The following DOCK2 variants were observed in gnomAD, a reference collection of about 807,000 sequenced individuals.
DOCK2 encodes dedicator of cytokinesis protein 2.
In DOCK2, 87 loss-of-function variants were observed where a neutral mutation model predicts 248.9. That is an observed-to-expected ratio of 0.35 (90% CI 0.29 to 0.42). DOCK2 has a LOEUF of 0.42. Among genes scored for constraint, DOCK2 ranks in the 10% least tolerant of loss-of-function variants. The probability of loss-of-function intolerance (pLI) is 1.00; values close to 1 mark genes in which losing one functional copy is unlikely to be tolerated. For missense variants in DOCK2, 1,747 were observed against 2,300.2 expected, an observed-to-expected ratio of 0.76 and a Z score of 4.92; for synonymous variants, 805 against 821.6, an observed-to-expected ratio of 0.98 and a Z score of 0.35.
At chr5:169,741,275 C>G (rs186813325) in intron 22 of DOCK2, among the ~76,000 whole-genome samples, 1 of 152,100 alleles carries the variant, frequency 6.6e-6, no homozygotes, top group African/African-American at 2.4e-5. Flanking sequence ...GGAAGGGAAC[C>G]GTCTCTTTCA....
At chr5:169,991,263 C>T (rs1009807619) in intron 29 of DOCK2, among the ~76,000 whole-genome samples, 1 of 152,226 alleles carries the variant, frequency 6.6e-6, no homozygotes. Flanking sequence ...ATTTGTTCTG[C>T]CACATGAAGA....
At chr5:170,071,857 C>T (rs1029014863) in intron 46 of DOCK2, among the ~76,000 whole-genome samples, 1 of 152,196 alleles carries the variant, frequency 6.6e-6, no homozygotes, top group Non-Finnish European at 1.5e-5. Context: ...AACAGAATCA[C>T]ATAATATACA....
intron 25 of DOCK2, among the ~76,000 whole-genome samples, chr5:169,765,963 A>G (rs1764761906): frequency 6.6e-6 from 1 of 152,206 alleles, no homozygotes; most frequent in Non-Finnish European, 1.5e-5. Context: ...GTTGGGGAAA[A>G]GAGGGATGGA....
intron 22 of DOCK2, among the ~76,000 whole-genome samples, chr5:169,742,674 G>C (rs1157093027): frequency 2.0e-5 from 3 of 152,198 alleles, no homozygotes; most frequent in Non-Finnish European, 2.9e-5. Context: ...TGGGATGCTA[G>C]CCTGAGGTTG....
At chr5:169,999,714 C>A (rs2113801415) in intron 30 of DOCK2, among the ~76,000 whole-genome samples, 1 of 152,326 alleles carries the variant, frequency 6.6e-6, no homozygotes, top group Non-Finnish European at 1.5e-5. Flanking sequence ...ACCTCTTCCT[C>A]CCCCTGTGTA....
chr5:169,803,206 G>A lies in DOCK2; in HGVS notation c.2703G>A (p.Ala901=), dbSNP rs775016006. The A allele has an allele frequency of 2.5e-6, 4 of 1,612,516 alleles. No homozygotes were observed. The highest frequency in any genetic ancestry group is 3.4e-6 in the Non-Finnish European group (4 of 1,179,352). ...SILEVLSYQD[A]AFTYHHIQEI... ...TGGAAGTCCTTAGCTACCAGGATGC[G>A]GTGAGTCCTCCTGATGATGTAGATA... is the stretch of plus-strand genomic sequence containing the variant. The change falls in exon 26 of 52, where the codon GCG becomes GCA. Residue 901 remains alanine, a splice_region_variant and synonymous_variant. Transcript: ENST00000520908.
At chr5:169,702,697 G>T (rs4524524) in intron 14 of DOCK2, 195 of 205,676 alleles carry the variant, frequency 9.5e-4, no homozygotes, top group South Asian at 1.9e-3. Flanking sequence ...ATGTATGTAT[G>T]TATTTATTTA....
intron 33 of DOCK2, among the ~76,000 whole-genome samples, chr5:170,026,861 A>T (rs763848116): frequency 1.3e-5 from 2 of 151,868 alleles, no homozygotes; most frequent in Non-Finnish European, 2.9e-5. Flanking sequence ...ACCAGTCTTG[A>T]CTCTCTGAGA....
At position 169,729,236 on chromosome 5, in the gene DOCK2, G is replaced by A. The variant is rs1244630748; in HGVS notation, c.2267+10445G>A. 2.0e-5 allele frequency among the ~76,000 whole-genome samples: 3 copies of A among 152,348 alleles called. No homozygotes were observed. The East Asian group carries it at 5.8e-4, about 29-fold the overall frequency. ...TGAAATTTGCCATGCTAACGCAATT[G>A]TCAGGGATGCTAAGTGCAATTGGTA... On this transcript the variant is annotated intron_variant, in intron 22 of 51. Coordinates refer to ENST00000520908, the MANE Select transcript of DOCK2 (RefSeq NM_004946.3).
intron 47 of DOCK2, among the ~76,000 whole-genome samples, chr5:170,076,920 T>A (rs1435181019): frequency 6.6e-6 from 1 of 152,158 alleles, no homozygotes; most frequent in Non-Finnish European, 1.5e-5. Flanking sequence ...TCTTAGACAC[T>A]TCCCACTTCA....
chr5:169,959,336 T>G (rs1033875389), intron 27 of DOCK2, among the ~76,000 whole-genome samples: 1 of 150,386 alleles, frequency 6.6e-6, no homozygotes, highest in Non-Finnish European at 1.5e-5. Context: ...ACCACTGCAC[T>G]CCAGCCTGGG....
intron 23 of DOCK2, among the ~76,000 whole-genome samples, chr5:169,748,482 G>A (rs1270928715): frequency 6.6e-6 from 1 of 152,188 alleles, no homozygotes; most frequent in Non-Finnish European, 1.5e-5. Context: ...TGATTTTACT[G>A]TGAAGCAAAG....
intron 2 of DOCK2, among the ~76,000 whole-genome samples, chr5:169,663,536 C>A (rs112624140): frequency 6.6e-6 from 1 of 152,236 alleles, no homozygotes; most frequent in Non-Finnish European, 1.5e-5. Context: ...GACATCCAGG[C>A]ATTTCCATAC....
intron 27 of DOCK2, among the ~76,000 whole-genome samples, chr5:169,892,217 A>G (rs1419459367): frequency 1.3e-5 from 2 of 152,094 alleles, no homozygotes; most frequent in East Asian, 1.9e-4. Context: ...TGGGACTCAA[A>G]GCAAACCTAA....
chr5:169,688,836 C>G (rs1760131495), intron 8 of DOCK2, among the ~76,000 whole-genome samples: 1 of 152,128 alleles, frequency 6.6e-6, no homozygotes, highest in Non-Finnish European at 1.5e-5. Context: ...TAATTCAGAT[C>G]TTTACTCAGT....
rs1009279712 is a variant in DOCK2, at chr5:169,671,306, G to A, written c.321+132G>A. 70 of 687,878 alleles carry A rather than the reference G, an allele frequency of 1.0e-4. No homozygotes were observed. The highest frequency in any genetic ancestry group is 4.7e-5 in the Non-Finnish European group (19 of 405,420). 42.6% of individuals were successfully genotyped at this position (687,878 alleles called of 1,614,324 possible). ...GACATAGCAGAGCGCACACTATTACGTGTGAGGACATCAAGGCCCAGAGAG... is the reference window on the plus strand; with the variant it reads ...GACATAGCAGAGCGCACACTATTACATGTGAGGACATCAAGGCCCAGAGAG... On this transcript the variant is annotated intron_variant, in intron 5 of 51. Coordinates refer to ENST00000520908, the MANE Select transcript of DOCK2 (RefSeq NM_004946.3).
chr5:169,704,987 C>A (rs954273872), intron 14 of DOCK2, among the ~76,000 whole-genome samples: 1 of 152,134 alleles, frequency 6.6e-6, no homozygotes, highest in African/African-American at 2.4e-5. Context: ...GAAGGTGAAA[C>A]CTTGTCTTTA....
intron 25 of DOCK2, among the ~76,000 whole-genome samples, chr5:169,790,760 T>G (rs545870597): frequency 5.3e-5 from 8 of 152,334 alleles, no homozygotes; most frequent in Admixed American, 3.3e-4. Context: ...TACTTTGATC[T>G]TCTTATGAAA....
intron 47 of DOCK2, 83 bp downstream of exon 47, chr5:170,076,167 G>A: frequency 1.3e-6 from 2 of 1,535,204 alleles, no homozygotes; most frequent in Middle Eastern, 2.2e-4. Flanking sequence ...AGTTGGAGGG[G>A]ATCCAGCAAA....
Sources: gnomAD v4.1 joint callset for allele counts (sites outside exome capture counted in the v4.1 genomes callset) on GRCh38, gnomAD v4.1.1 for gene constraint, MANE v1.5 for transcripts, NCBI Gene and HGNC (gene_info 2026-07-23, HGNC 2026-07-21) for gene names.